The following EXOC6 variants were observed in gnomAD, a reference collection of about 807,000 sequenced individuals.
The protein encoded by EXOC6 is SEC15-like 1.
In EXOC6, 60 loss-of-function variants were observed where a neutral mutation model predicts 112.5. The ratio of observed to expected loss-of-function variants is 0.53; its 90% CI spans 0.43 to 0.66. EXOC6 has a LOEUF of 0.66. Ranked by LOEUF, EXOC6 falls within the 30% of genes least tolerant of loss-of-function variation. The pLI is 0.00. For synonymous variants in EXOC6, 295 were observed against 308.0 expected, an observed-to-expected ratio of 0.96 and a Z score of 0.44; for missense variants, 855 against 957.1, an observed-to-expected ratio of 0.89 and a Z score of 1.41.
chr10:92,913,800 G>A lies in EXOC6; in HGVS notation c.664-1958G>A, dbSNP rs181409387. Among the ~76,000 whole-genome samples the A allele has an allele frequency of 2.9e-3, 445 of 152,164 alleles. 2 individuals are homozygous for A. Among genetic ancestry groups the A allele is most frequent in the Non-Finnish European group, 5.3e-3 (357 of 67,992 alleles). On this transcript the variant is annotated intron_variant, in intron 6 of 21. Coordinates refer to ENST00000260762, the MANE Select transcript of EXOC6 (RefSeq NM_019053.6). ...GCCCTGCTTATTTTTGCCTTCCTGG[G>A]ATCTAGCTATTATGCCTAACATGAG...
At chr10:92,831,299 C>G (rs529625655), upstream of EXOC6, 6 of 1,288,214 alleles carry the variant, frequency 4.7e-6, no homozygotes, top group Non-Finnish European at 6.1e-6. Context: ...CAGGCTGAGC[C>G]GGCTGTACCG....
At chr10:92,901,835 T>TCAA (rs1564815073) in intron 5 of EXOC6, 1,242 of 84,954 alleles carry the variant, frequency 0.015, 25 homozygotes, top group African/African-American at 0.054. Flanking sequence ...CCATCTCTAC[T>TCAA]GAAAAAAAAA....
chr10:92,976,478 G>A (rs1235038233), intron 18 of EXOC6, among the ~76,000 whole-genome samples: 1 of 151,690 alleles, frequency 6.6e-6, no homozygotes, highest in Admixed American at 6.6e-5. Context: ...TGCTCGTTAA[G>A]AGTCATCACC....
At chr10:92,976,672 ATAAAT>A (rs1842632771) in intron 18 of EXOC6, among the ~76,000 whole-genome samples, 1 of 147,042 alleles carries the variant, frequency 6.8e-6, no homozygotes, top group South Asian at 2.1e-4. Flanking sequence ...AAAAAAAATA[ATAAAT>A]TAAAAAAAAA....
intron 12 of EXOC6, 69 bp from the exon 13 acceptor site, chr10:92,940,658 A>G: frequency 1.0e-6 from 1 of 987,056 alleles, no homozygotes; most frequent in Non-Finnish European, 1.5e-6. Flanking sequence ...ATTCTCTAGT[A>G]TTCCCAACAT....
chr10:92,864,253 G>A (rs1036778371), intron 1 of EXOC6, among the ~76,000 whole-genome samples: 2 of 152,108 alleles, frequency 1.3e-5, no homozygotes, highest in African/African-American at 4.8e-5. Flanking sequence ...AAGGAAACAA[G>A]CCCAACAAGA....
rs1171047479 is a variant in EXOC6, at chr10:92,858,028, C to CCCG, written c.101+9395_101+9396insCGC. ...AGATTTTTAGTTGACGGGTTCCCCC[C>CCCG]CTCCGCCGGCCAGCAGTTTGAATAT... On this transcript the variant is annotated intron_variant, in intron 1 of 21. Coordinates refer to ENST00000260762, the MANE Select transcript of EXOC6 (RefSeq NM_019053.6). 3.6e-5 allele frequency among the ~76,000 whole-genome samples: 5 copies of CCCG among 138,968 alleles called. 1 individual carries two copies. Among genetic ancestry groups the CCCG allele is most frequent in the Non-Finnish European group, 7.7e-5 (5 of 65,282 alleles). 91.2% of individuals were successfully genotyped at this position (138,968 alleles called of 152,430 possible).
In EXOC6 at chr10:92,954,698, G is replaced by C; in HGVS notation, c.1595G>C (p.Cys532Ser). 1.2e-6 allele frequency: 2 copies of C among 1,607,196 alleles called. No homozygotes were observed. Among genetic ancestry groups the C allele is most frequent in the Non-Finnish European group, 1.7e-6 (2 of 1,174,906 alleles). ...NLLLTRTLSSCLLNLIRKPHI... is the reference protein window; with the variant it reads ...NLLLTRTLSSSLLNLIRKPHI... ...CTGCTGACCAGAACTTTGAGTAGCT[G>C]TTTACTGAACCTTATTAGAAAACCT... is the stretch of plus-strand genomic sequence containing the variant. Residue 532 changes from cysteine to serine, a missense_variant, in exon 16 of 22, where the codon TGT becomes TCT. Cys to Ser is a moderately radical substitution (Grantham distance 112). Around this residue, in one of 2 missense-constraint regions of EXOC6, gnomAD observed 450 missense variants for 563.5 expected, o/e 0.80. Coordinates refer to ENST00000260762, the MANE Select transcript of EXOC6 (RefSeq NM_019053.6).
chr10:92,946,335 A>G (rs1388980391), intron 13 of EXOC6, among the ~76,000 whole-genome samples: 2 of 152,010 alleles, frequency 1.3e-5, no homozygotes, highest in African/African-American at 2.4e-5. Flanking sequence ...CTGAGGCTGC[A>G]GTGAGCCGAA....
intron 20 of EXOC6, among the ~76,000 whole-genome samples, chr10:93,036,222 A>AG (rs1564928402): frequency 6.6e-6 from 1 of 151,556 alleles, no homozygotes; most frequent in African/African-American, 2.4e-5. Context: ...CCATCTCAAA[A>AG]AAAAAAAAGA....
chr10:92,976,547 G>T (rs1445987629), intron 18 of EXOC6, among the ~76,000 whole-genome samples: 2 of 151,282 alleles, frequency 1.3e-5, no homozygotes, highest in Non-Finnish European at 2.9e-5. Context: ...AGGGTCCTCT[G>T]CCTAGGAAAA....
rs1398927214 is a variant in EXOC6, at chr10:93,059,019, T to C, written c.*664T>C. The C allele has an allele frequency of 6.6e-6, 1 of 152,248 alleles. No homozygotes were observed. The highest frequency in any genetic ancestry group is 6.5e-5 in the Admixed American group (1 of 15,280). 9.4% of individuals were successfully genotyped at this position (152,248 alleles called of 1,614,324 possible). On this transcript the variant is annotated 3_prime_UTR_variant, in exon 22 of 22. Transcript: ENST00000260762. The stretch of plus-strand genomic sequence containing the variant: ...TTGTTTCTGTTCATCAGGGTTAATA[T>C]TTCTAACTATATTGCTTGTAGGTGA...
At chr10:92,973,291 G>T (rs1370782019) in intron 17 of EXOC6, among the ~76,000 whole-genome samples, 1 of 152,172 alleles carries the variant, frequency 6.6e-6, no homozygotes, top group Admixed American at 6.5e-5. Context: ...GTTTTAGAAT[G>T]TTGTCTTTTG....
chr10:92,935,411 A>G (rs1379133303), intron 11 of EXOC6, among the ~76,000 whole-genome samples: 1 of 152,062 alleles, frequency 6.6e-6, no homozygotes, highest in Non-Finnish European at 1.5e-5. Context: ...GAAATTAATA[A>G]TTTTCTTTTG....
rs138500676 is a variant in EXOC6, at chr10:92,867,737, A to G, written c.101+19103A>G. On this transcript the variant is annotated intron_variant, in intron 1 of 21. Transcript: ENST00000260762. ...ACTGTTTCAAAGGCAATGGCAAAAAACAATATAGGATTTGGGAATGCTGAG... is the reference window on the plus strand; with the variant it reads ...ACTGTTTCAAAGGCAATGGCAAAAAGCAATATAGGATTTGGGAATGCTGAG... Among the ~76,000 whole-genome samples, 499 of 152,344 alleles carry G rather than the reference A, an allele frequency of 3.3e-3. 3 individuals carry two copies. The highest frequency in any genetic ancestry group is 0.011 in the African/African-American group (474 of 41,588).
chr10:92,846,778 A>G (rs190118037), upstream of EXOC6, among the ~76,000 whole-genome samples: 3 of 152,266 alleles, frequency 2.0e-5, no homozygotes, highest in Admixed American at 2.0e-4. Flanking sequence ...ACCTGTGCAT[A>G]TGTTATTTTT....
chr10:92,848,421 G>C (rs906681884), upstream of EXOC6: 1 of 892,128 alleles, frequency 1.1e-6, no homozygotes, highest in Admixed American at 6.0e-5. Context: ...CCCCCGCGCC[G>C]CCGGCCCGAG....
intron 6 of EXOC6, among the ~76,000 whole-genome samples, chr10:92,914,241 A>C: frequency 6.6e-6 from 1 of 152,198 alleles, no homozygotes; most frequent in South Asian, 2.1e-4. Flanking sequence ...CCTTATGAGA[A>C]TCTAATGCCT....
intron 5 of EXOC6, among the ~76,000 whole-genome samples, chr10:92,903,202 T>C (rs1356022308): frequency 6.6e-6 from 1 of 152,086 alleles, no homozygotes; most frequent in East Asian, 1.9e-4. Flanking sequence ...CATTTACGCT[T>C]CCATTAGCAA....
Sources: allele counts gnomAD v4.1 joint callset (sites outside exome capture counted in the v4.1 genomes callset), GRCh38; gene constraint gnomAD v4.1.1; regional missense constraint gnomAD v4.1.1; transcripts MANE v1.5; gene names NCBI Gene and HGNC (gene_info 2026-07-23, HGNC 2026-07-21).